The following PSMA1 variants were observed in gnomAD, a reference collection of about 807,000 sequenced individuals.
PSMA1 encodes the protein proteasome subunit alpha type-1.
A neutral mutation model predicts 38.4 loss-of-function variants in PSMA1; 3 were observed. That is an observed-to-expected ratio of 0.08 (90% confidence interval 0.04 to 0.20). PSMA1 has a LOEUF of 0.20. Ranked by LOEUF, PSMA1 falls within the 10% of genes least tolerant of loss-of-function variation. The probability of loss-of-function intolerance (pLI) is 1.00; values close to 1 mark genes in which losing one functional copy is unlikely to be tolerated. For missense variants in PSMA1, 227 were observed against 325.3 expected, an observed-to-expected ratio of 0.70 and a Z score of 2.32; for synonymous variants, 101 against 107.1, an observed-to-expected ratio of 0.94 and a Z score of 0.35.
intron 1 of PSMA1, among the ~76,000 whole-genome samples, chr11:14,618,992 C>T (rs181480213): frequency 6.6e-6 from 1 of 152,274 alleles, no homozygotes; most frequent in East Asian, 1.9e-4. Flanking sequence ...CCTCCACAGC[C>T]ATTGTGCATT....
intron 1 of PSMA1, among the ~76,000 whole-genome samples, chr11:14,637,141 T>C (rs888258892): frequency 4.6e-5 from 7 of 152,176 alleles, no homozygotes; most frequent in African/African-American, 1.4e-4. Flanking sequence ...CTTCCACCTA[T>C]CTATCCAGTC....
At chr11:14,528,557 A>C (rs959686114) in intron 2 of PSMA1, among the ~76,000 whole-genome samples, 4 of 151,946 alleles carry the variant, frequency 2.6e-5, no homozygotes, top group Non-Finnish European at 5.9e-5. Flanking sequence ...TACCACCCCC[A>C]AAAATTTTCG....
chr11:14,548,182 T>A (rs1384449070), intron 2 of PSMA1, among the ~76,000 whole-genome samples: 1 of 152,224 alleles, frequency 6.6e-6, no homozygotes, highest in African/African-American at 2.4e-5. Context: ...GCTACTTTTT[T>A]TCTATTTATT....
chr11:14,599,003 G>C (rs1426394467), intron 2 of PSMA1, among the ~76,000 whole-genome samples: 2 of 152,118 alleles, frequency 1.3e-5, no homozygotes, highest in South Asian at 2.1e-4. Context: ...ATGAAGCTTA[G>C]TTTGGCTGGA....
At chr11:14,568,147 A>T (rs572184697) in intron 2 of PSMA1, among the ~76,000 whole-genome samples, 1 of 152,312 alleles carries the variant, frequency 6.6e-6, no homozygotes, top group African/African-American at 2.4e-5. Flanking sequence ...ACTACCATAA[A>T]AGAGAATGAG....
At chr11:14,593,053 T>C (rs1042130004) in intron 2 of PSMA1, among the ~76,000 whole-genome samples, 1 of 152,242 alleles carries the variant, frequency 6.6e-6, no homozygotes, top group Non-Finnish European at 1.5e-5. Context: ...GACACAATAA[T>C]TGTTAAATGA....
chr11:14,537,394 C>T (rs1851721147), intron 2 of PSMA1, among the ~76,000 whole-genome samples: 2 of 152,112 alleles, frequency 1.3e-5, no homozygotes, highest in South Asian at 4.1e-4. Context: ...TTCACCTTTT[C>T]CTTTAATTGT....
rs1442511155 is a variant in PSMA1, at chr11:14,605,832, T to C, written c.21+5134A>G. 3.3e-5 allele frequency among the ~76,000 whole-genome samples: 5 copies of C among 152,236 alleles called. No homozygotes were observed. The East Asian group carries it at 9.6e-4, about 29-fold the overall frequency. On this transcript the variant is annotated intron_variant, in intron 2 of 10. Coordinates refer to the PSMA1 transcript ENST00000418988. ...ACGTTTTCTCCCAACGTGTAGGTTG[T>C]ATGTTTACTCTGTTGATAGTTTCTT...
At chr11:14,545,369 G>A (rs1257784260) in intron 2 of PSMA1, among the ~76,000 whole-genome samples, 1 of 152,190 alleles carries the variant, frequency 6.6e-6, no homozygotes, top group Admixed American at 6.5e-5. Context: ...TGTTACATAG[G>A]TAAATGTGTG....
intron 2 of PSMA1, among the ~76,000 whole-genome samples, chr11:14,600,822 G>A (rs1003710268): frequency 3.3e-5 from 5 of 152,204 alleles, no homozygotes; most frequent in Admixed American, 2.6e-4. Flanking sequence ...CATCTTCTGC[G>A]TCGATCCTGC....
chr11:14,512,143 G>C (rs891389043), intron 7 of PSMA1, among the ~76,000 whole-genome samples: 1 of 152,216 alleles, frequency 6.6e-6, no homozygotes, highest in Non-Finnish European at 1.5e-5. Context: ...GGGAGGCCCA[G>C]TTGGGCGGAT....
intron 2 of PSMA1, among the ~76,000 whole-genome samples, chr11:14,585,885 AT>A (rs1287960721): frequency 1.3e-5 from 2 of 152,132 alleles, no homozygotes; most frequent in Admixed American, 6.5e-5. Flanking sequence ...GAAAAAAAAA[AT>A]CTGGTGTCCA....
chr11:14,505,906 C>T (rs958431877), intron 9 of PSMA1, among the ~76,000 whole-genome samples: 56 of 151,840 alleles, frequency 3.7e-4, no homozygotes, highest in Admixed American at 3.3e-3. Flanking sequence ...CTTGGTGGCG[C>T]GGGGGAAGGT....
At chr11:14,565,417 A>C (rs538047798) in intron 2 of PSMA1, among the ~76,000 whole-genome samples, 2 of 151,024 alleles carry the variant, frequency 1.3e-5, no homozygotes, top group East Asian at 3.9e-4. Context: ...TATTTCCTTC[A>C]TTTGCTTTGT....
chr11:14,568,328 G>A (rs1467873255), intron 2 of PSMA1, among the ~76,000 whole-genome samples: 2 of 152,180 alleles, frequency 1.3e-5, no homozygotes, highest in African/African-American at 4.8e-5. Flanking sequence ...TCCTTCCACT[G>A]CATAATGCTG....
intron 1 of PSMA1, among the ~76,000 whole-genome samples, chr11:14,618,139 A>C (rs1297321793): frequency 3.3e-5 from 5 of 152,232 alleles, no homozygotes; most frequent in African/African-American, 1.2e-4. Flanking sequence ...TTTATCTTCC[A>C]GACATCAGAT....
intron 1 of PSMA1, among the ~76,000 whole-genome samples, chr11:14,612,550 G>A (rs1339116429): frequency 6.6e-6 from 1 of 152,026 alleles, no homozygotes; most frequent in Non-Finnish European, 1.5e-5. Context: ...AAAAATGTAT[G>A]GAGCAGTTTC....
chr11:14,518,102 G>GA, intron 2 of PSMA1, 121 bp from the exon 3 acceptor site: 1 of 696,184 alleles, frequency 1.4e-6, no homozygotes, highest in Non-Finnish European at 2.3e-6. Context: ...TTAATCAAGA[G>GA]ACCTTTTTTT....
intron 1 of PSMA1, among the ~76,000 whole-genome samples, chr11:14,628,221 G>T (rs956799569): frequency 2.6e-5 from 4 of 151,190 alleles, no homozygotes; most frequent in African/African-American, 9.8e-5. Context: ...CATTGTGCAG[G>T]TTAGTTACAT....
Sources: allele counts gnomAD v4.1 joint callset (sites outside exome capture counted in the v4.1 genomes callset), GRCh38; gene constraint gnomAD v4.1.1; transcripts MANE v1.5; gene names NCBI Gene and HGNC (gene_info 2026-07-23, HGNC 2026-07-21).